TMEM165: variants seen among roughly 807,000 people sequenced by gnomAD.
TMEM165 encodes transmembrane protein 165.
A neutral mutation model predicts 30.0 loss-of-function variants in TMEM165; 19 were observed. The observed-to-expected ratio is 0.63, with a 90% CI of 0.44 to 0.93. The LOEUF (loss-of-function observed/expected upper bound fraction) is 0.93, where lower values mean the gene tolerates loss of function less well. TMEM165 is among the 40% of genes least tolerant of loss of function. The pLI is 0.00. For synonymous variants in TMEM165, 168 were observed against 162.9 expected (o/e 1.03, Z -0.24); for missense variants, 340 against 417.0 (o/e 0.82, Z 1.61).
intron 4 of TMEM165, chr4:55,423,308 C>T (rs912309904): frequency 6.6e-6 from 1 of 152,254 alleles, no homozygotes; most frequent in Non-Finnish European, 1.5e-5. Flanking sequence ...TTCACCTGCT[C>T]TTTGCCTACA....
intron 1 of TMEM165, among the ~76,000 whole-genome samples, chr4:55,408,098 A>G (rs774447475): frequency 1.3e-5 from 2 of 152,230 alleles, no homozygotes; most frequent in Non-Finnish European, 2.9e-5. Context: ...AAGGAATGGT[A>G]ATGGATCACT....
At chr4:55,449,519 A>T (rs1018041116) in intron 3 of TMEM165, 1 of 1,540,606 alleles carries the variant, frequency 6.5e-7, no homozygotes, top group Non-Finnish European at 9.0e-7. Flanking sequence ...AAATCAGAAG[A>T]GCATTAGTAC....
At chr4:55,406,210 G>A (rs1721260238) in intron 1 of TMEM165, among the ~76,000 whole-genome samples, 1 of 152,212 alleles carries the variant, frequency 6.6e-6, no homozygotes, top group Admixed American at 6.5e-5. Flanking sequence ...CCTGAAGTCA[G>A]TCACAGCTTA....
At chr4:55,399,613 A>G (rs1720869674) in intron 1 of TMEM165, among the ~76,000 whole-genome samples, 1 of 151,892 alleles carries the variant, frequency 6.6e-6, no homozygotes, top group South Asian at 2.1e-4. Flanking sequence ...TAGAGCTACT[A>G]ATATCCTTTT....
intron 3 of TMEM165, chr4:55,448,825 A>G: frequency 6.2e-7 from 1 of 1,614,018 alleles, no homozygotes; most frequent in Non-Finnish European, 8.5e-7. Context: ...TTGAGACATC[A>G]CTGGCTGTGT....
chr4:55,420,107 ATATAT>A (rs1278035180), intron 4 of TMEM165, among the ~76,000 whole-genome samples: 3 of 46,222 alleles, frequency 6.5e-5, no homozygotes, highest in African/African-American at 1.7e-4. Context: ...AGAAAAAAAA[ATATAT>A]ATATATATAC....
chr4:55,424,368 T>C (rs1722111797), intron 4 of TMEM165, 170 bp from the exon 5 acceptor site: 1 of 572,286 alleles, frequency 1.7e-6, no homozygotes, highest in Admixed American at 3.4e-5. Flanking sequence ...TGGTACATAT[T>C]CCTTCAAGCA....
chr4:55,449,485 T>G (rs764525171), intron 3 of TMEM165: 2 of 1,613,880 alleles, frequency 1.2e-6, no homozygotes, highest in Admixed American at 1.7e-5. Context: ...GTCGGGATCT[T>G]GGTTGGTGTT....
rs576529282 is a variant in TMEM165 at position 55,397,574 on chromosome 4, G to A, written c.207+1178G>A. Among the ~76,000 whole-genome samples, 7 of 151,762 alleles carry A rather than the reference G, an allele frequency of 4.6e-5. No individual in the cohort carries two copies. The South Asian group carries it at 1.2e-3, about 27-fold the overall frequency. On this transcript the variant is annotated intron_variant, in intron 1 of 5. Coordinates refer to ENST00000381334, the MANE Select transcript of TMEM165 (RefSeq NM_018475.5). ...GAGAACCAGCAGATACCTACTCTCT[G>A]TGAAGACTTCCCTAAAATTTCTTGG... is the stretch of plus-strand genomic sequence containing the variant.
At chr4:55,406,702 C>G (rs1721281874) in intron 1 of TMEM165, among the ~76,000 whole-genome samples, 1 of 152,148 alleles carries the variant, frequency 6.6e-6, no homozygotes, top group Non-Finnish European at 1.5e-5. Context: ...CTCTGTTGCC[C>G]AGGCTGGAGT....
At chr4:55,400,360 T>C (rs1720941031) in intron 1 of TMEM165, among the ~76,000 whole-genome samples, 1 of 53,904 alleles carries the variant, frequency 1.9e-5, no homozygotes, top group East Asian at 1.6e-3. Flanking sequence ...TATATTAATA[T>C]AATTAATTAT....
intron 1 of TMEM165, among the ~76,000 whole-genome samples, chr4:55,402,884 C>T (rs1051561950): frequency 1.0e-4 from 14 of 137,988 alleles, no homozygotes; most frequent in South Asian, 2.6e-4. Context: ...CTCTGCCTCC[C>T]GGGTTCACGC....
chr4:55,428,973 CTTTTTTTT>C (rs35261810), downstream of TMEM165: 2 of 125,750 alleles, frequency 1.6e-5, no homozygotes, highest in Admixed American at 8.2e-5. Flanking sequence ...GCTGACACAT[CTTTTTTTT>C]TTTTTTTTTT....
Position 55,447,685 on chromosome 4 carries a change from G to A in TMEM165, c.409-4554G>A, listed in dbSNP as rs187169642. On this transcript the variant is annotated intron_variant, in intron 3 of 3. Transcript: ENST00000608091. ...GTTAAGAAATGCTTTAGAATCCTGA[G>A]ATTAAAAAACTAATAATATAGAAAG... 4.2e-3 allele frequency among the ~76,000 whole-genome samples: 645 copies of A among 152,150 alleles called. 3 individuals carry two copies. Among genetic ancestry groups the A allele is most frequent in the African/African-American group, 0.014 (600 of 41,502 alleles).
At chr4:55,402,779 C>G (rs1578229848) in intron 1 of TMEM165, among the ~76,000 whole-genome samples, 1 of 121,084 alleles carries the variant, frequency 8.3e-6, no homozygotes, top group Admixed American at 8.6e-5. Flanking sequence ...CACATTTTTA[C>G]AACTTTTAAA....
chr4:55,395,967 T>C lies in TMEM165; in HGVS notation c.-223T>C. 1 of 374,330 alleles carries C rather than the reference T, an allele frequency of 2.7e-6. No homozygotes were observed. Among genetic ancestry groups the C allele is most frequent in the Non-Finnish European group, 4.7e-6 (1 of 214,480 alleles). 23.2% of individuals were successfully genotyped at this position (374,330 alleles called of 1,614,324 possible). A position where few individuals can be genotyped will look rare whatever the true frequency, so the allele number is the denominator to read the frequency against. ...CCGAGGCAGCTGGCTGACTCCAGTT[T>C]AGCCGCCGCCGGAGAGGACGGGCGC... On this transcript the variant is annotated 5_prime_UTR_variant, in exon 1 of 6. Coordinates refer to ENST00000381334, the MANE Select transcript of TMEM165 (RefSeq NM_018475.5).
chr4:55,421,487 A>G (rs1721973970), intron 4 of TMEM165, among the ~76,000 whole-genome samples: 1 of 151,718 alleles, frequency 6.6e-6, no homozygotes, highest in South Asian at 2.1e-4. Context: ...TTGTAGAGAC[A>G]GGGTTTTGCC....
Position 55,417,185 on chromosome 4 carries a change from C to T in TMEM165, c.547C>T (p.Pro183Ser). ...RMLREGLKMS[P>S]DEGQEELEEV... ...GCTTCGGGAAGGCTTAAAGATGAGC[C>T]CTGATGAGGGTCAAGAGGAACTGGA... Residue 183 changes from proline to serine, a missense_variant, in exon 3 of 6, where the codon CCT (proline) becomes TCT (serine). This residue lies in a region of TMEM165 where 220 missense variants were observed against 307.6 expected (regional missense o/e 0.72). Coordinates refer to ENST00000381334, the MANE Select transcript of TMEM165 (RefSeq NM_018475.5). 1.2e-6 allele frequency: 2 copies of T among 1,613,760 alleles called. No individual in the cohort carries two copies. Among genetic ancestry groups the T allele is most frequent in the Non-Finnish European group, 1.7e-6 (2 of 1,179,952 alleles).
chr4:55,435,465 G>A (rs367673264), intron 3 of TMEM165: 45 of 1,613,896 alleles, frequency 2.8e-5, no homozygotes, highest in Middle Eastern at 1.6e-4. Flanking sequence ...GTCCTGTGCC[G>A]GCTGAGTTGC....
Sources: gnomAD v4.1 joint callset for allele counts (sites outside exome capture counted in the v4.1 genomes callset) on GRCh38, gnomAD v4.1.1 for gene constraint, gnomAD v4.1.1 regional missense constraint, MANE v1.5 for transcripts, NCBI Gene and HGNC (gene_info 2026-07-23, HGNC 2026-07-21) for gene names.